The following DLGAP2 variants were observed in gnomAD, a reference collection of about 807,000 sequenced individuals.
DLGAP2 encodes the protein disks large-associated protein 2.
DLGAP2 carries 26 observed loss-of-function variants against 100.3 expected under a neutral mutation model. The observed-to-expected ratio is 0.26, with a 90% CI of 0.19 to 0.36. The LOEUF is 0.36. DLGAP2 is among the 10% of genes least tolerant of loss of function. The pLI is 1.00. For synonymous variants in DLGAP2, 886 were observed against 630.1 expected, an observed-to-expected ratio of 1.41 and a Z score of -6.08; for missense variants, 1,858 against 1,453.2, an observed-to-expected ratio of 1.28 and a Z score of -4.53.
At chr8:1,454,770 T>C (rs896609817) in intron 3 of DLGAP2, among the ~76,000 whole-genome samples, 7 of 151,898 alleles carry the variant, frequency 4.6e-5, no homozygotes, top group African/African-American at 1.7e-4. Flanking sequence ...AACAGGCAGG[T>C]AGAAAAGGAA....
chr8:1,104,088 G>T (rs538494953), intron 2 of DLGAP2, among the ~76,000 whole-genome samples: 94 of 152,340 alleles, frequency 6.2e-4, no homozygotes, highest in Non-Finnish European at 1.1e-3. Flanking sequence ...ACAGCGAGAT[G>T]TGTGCACGTT....
At chr8:1,266,247 C>A (rs1799448156) in intron 3 of DLGAP2, among the ~76,000 whole-genome samples, 1 of 151,902 alleles carries the variant, frequency 6.6e-6, no homozygotes, top group African/African-American at 2.4e-5. Context: ...GACTTCAGTC[C>A]CCTTTTGGCT....
At chr8:1,100,621 G>T (rs2129043607) in intron 2 of DLGAP2, among the ~76,000 whole-genome samples, 1 of 152,284 alleles carries the variant, frequency 6.6e-6, no homozygotes, top group Admixed American at 6.5e-5. Context: ...AATGAAGGTA[G>T]GTCACACACT....
intron 4 of DLGAP2, among the ~76,000 whole-genome samples, chr8:1,503,841 C>T (rs920505892): frequency 6.6e-6 from 1 of 152,140 alleles, no homozygotes; most frequent in Non-Finnish European, 1.5e-5. Flanking sequence ...GCTGAGAGGA[C>T]CCTCAAACAC....
At chr8:1,188,374 G>A (rs955694757) in intron 2 of DLGAP2, among the ~76,000 whole-genome samples, 1 of 137,934 alleles carries the variant, frequency 7.2e-6, no homozygotes, top group African/African-American at 3.1e-5. Flanking sequence ...TTTGCCTCAC[G>A]GAATCTCACA....
intron 2 of DLGAP2, among the ~76,000 whole-genome samples, chr8:926,086 C>G (rs1798808887): frequency 6.6e-6 from 1 of 152,160 alleles, no homozygotes; most frequent in South Asian, 2.1e-4. Flanking sequence ...GCTTTCATGT[C>G]TGGGCCTCGC....
At chr8:865,494 G>A (rs1478046123) in intron 1 of DLGAP2, among the ~76,000 whole-genome samples, 1 of 152,092 alleles carries the variant, frequency 6.6e-6, no homozygotes, top group East Asian at 1.9e-4. Flanking sequence ...ATTCTGTGAT[G>A]TTCCCCGGGG....
intron 2 of DLGAP2, among the ~76,000 whole-genome samples, chr8:1,218,060 G>C (rs1338433186): frequency 3.3e-5 from 5 of 152,134 alleles, no homozygotes; most frequent in South Asian, 2.1e-4. Context: ...TGTTTGCTCT[G>C]TTGATAGTTT....
Position 1,352,597 on chromosome 8 carries a change from T to G in DLGAP2, c.106+93714T>G, listed in dbSNP as rs144713036. ...AAGTTTGTAATAATTAGTAAGTATG[T>G]CAATTCCTGGAAGTTGGCCCATTTC... On this transcript the variant is annotated intron_variant, in intron 3 of 14. Coordinates refer to ENST00000637795, the MANE Select transcript of DLGAP2 (RefSeq NM_001346810.2). Among the ~76,000 whole-genome samples the G allele has an allele frequency of 3.1e-3, 470 of 152,320 alleles. 3 individuals carry two copies. Among genetic ancestry groups the G allele is most frequent in the Middle Eastern group, 0.017 (5 of 294 alleles).
At chr8:1,347,479 C>T (rs902923845) in intron 3 of DLGAP2, among the ~76,000 whole-genome samples, 3 of 151,820 alleles carry the variant, frequency 2.0e-5, no homozygotes, top group African/African-American at 7.3e-5. Context: ...GCATTGCTCT[C>T]ATGGGGGCTG....
chr8:753,006 C>T (rs577065240), intron 1 of DLGAP2, among the ~76,000 whole-genome samples: 1 of 152,346 alleles, frequency 6.6e-6, no homozygotes, highest in South Asian at 2.1e-4. Context: ...CTTTCCTACA[C>T]CTCTTCCTTA....
intron 3 of DLGAP2, among the ~76,000 whole-genome samples, chr8:1,477,937 A>G (rs1798981708): frequency 6.6e-6 from 1 of 152,112 alleles, no homozygotes; most frequent in Non-Finnish European, 1.5e-5. Context: ...TCTGGTGGAA[A>G]ATGCATTTTC....
chr8:866,967 C>A (rs1386223345), intron 1 of DLGAP2, among the ~76,000 whole-genome samples: 1 of 152,142 alleles, frequency 6.6e-6, no homozygotes, highest in South Asian at 2.1e-4. Context: ...AGGCTCACTG[C>A]CTTGTGCTGG....
chr8:757,899 C>T (rs1031484453), intron 1 of DLGAP2, among the ~76,000 whole-genome samples: 3 of 152,176 alleles, frequency 2.0e-5, no homozygotes, highest in Non-Finnish European at 4.4e-5. Context: ...CGTCTTGTCT[C>T]CTCGTTTCCC....
intron 2 of DLGAP2, among the ~76,000 whole-genome samples, chr8:952,786 A>C (rs1412693298): frequency 6.6e-6 from 1 of 152,196 alleles, no homozygotes; most frequent in Non-Finnish European, 1.5e-5. Context: ...AGACTTCTCT[A>C]ATTTCTGGTA....
intron 8 of DLGAP2, among the ~76,000 whole-genome samples, chr8:1,633,579 T>TA (rs1446074440): frequency 2.6e-5 from 4 of 152,186 alleles, no homozygotes; most frequent in African/African-American, 4.8e-5. Flanking sequence ...TGGAAAACCA[T>TA]ACCCACCCCT....
intron 3 of DLGAP2, among the ~76,000 whole-genome samples, chr8:1,276,596 C>T (rs1226190008): frequency 6.6e-6 from 1 of 151,870 alleles, no homozygotes; most frequent in Non-Finnish European, 1.5e-5. Context: ...TACACGATGA[C>T]CAGGAAGCCC....
At chr8:1,297,249 T>A (rs1800202676) in intron 3 of DLGAP2, 1 of 152,254 alleles carries the variant, frequency 6.6e-6, no homozygotes, top group African/African-American at 2.4e-5. Flanking sequence ...CATGCATTTG[T>A]ATCCACAAAC....
intron 2 of DLGAP2, among the ~76,000 whole-genome samples, chr8:1,075,915 C>T (rs6559211): frequency 6.6e-6 from 1 of 151,630 alleles, no homozygotes; most frequent in African/African-American, 2.4e-5. Context: ...AAAATAAAAA[C>T]AAAAAAAAAG....
Sources: allele counts gnomAD v4.1 joint callset (sites outside exome capture counted in the v4.1 genomes callset), GRCh38; gene constraint gnomAD v4.1.1; transcripts MANE v1.5; gene names NCBI Gene and HGNC (gene_info 2026-07-23, HGNC 2026-07-21).